Variants in RAPH1 observed in about 807,000 individuals in gnomAD.
RAPH1 encodes ras-associated and pleckstrin homology domains-containing protein 1.
Under a neutral mutation model 88.1 loss-of-function variants are expected in RAPH1, and 18 were observed. The observed-to-expected ratio is 0.20, with a 90% CI of 0.14 to 0.30. RAPH1 has a LOEUF of 0.30. Among genes scored for constraint, RAPH1 ranks in the 10% least tolerant of loss-of-function variants. RAPH1 has a pLI of 1.00. For missense variants in RAPH1, 1,448 were observed against 1,543.2 expected (o/e 0.94, Z 1.03); for synonymous variants, 587 against 559.0 (o/e 1.05, Z -0.71).
intron 1 of RAPH1, among the ~76,000 whole-genome samples, chr2:203,500,068 C>T (rs948728263): frequency 6.6e-6 from 1 of 152,170 alleles, no homozygotes; most frequent in African/African-American, 2.4e-5. Context: ...TTTCATTGAA[C>T]ATTCACCATG....
At chr2:203,450,375 C>T (rs1487497074) in intron 10 of RAPH1, among the ~76,000 whole-genome samples, 1 of 152,172 alleles carries the variant, frequency 6.6e-6, no homozygotes, top group Non-Finnish European at 1.5e-5. Context: ...AAGAGGTTAG[C>T]AAAATAATAC....
intron 4 of RAPH1, among the ~76,000 whole-genome samples, chr2:203,462,512 A>C (rs1363725197): frequency 6.6e-6 from 1 of 152,230 alleles, no homozygotes; most frequent in Non-Finnish European, 1.5e-5. Flanking sequence ...TTATTGCGTA[A>C]GTTTCACTCT....
At position 203,434,037 on chromosome 2, in the gene RAPH1, C is replaced by CATATATAT. The variant is rs1275348828; in HGVS notation, c.*5399_*5400insATATATAT. ...TCAGTAGTACTGAATATATCTCTCT[C>CATATATAT]ATATATCTATCTATCTATCTATATA... is the stretch of plus-strand genomic sequence containing the variant. On this transcript the variant is annotated 3_prime_UTR_variant, in exon 14 of 14. Transcript: ENST00000319170. The CATATATAT allele has an allele frequency of 5.3e-5, 7 of 131,390 alleles. No homozygotes were observed. The East Asian group carries it at 1.5e-3, about 28-fold the overall frequency. The allele number at this position is 131,390 out of a possible 1,614,324, so 8.1% of individuals were successfully genotyped here.
chr2:203,475,066 G>A (rs2098536210), intron 4 of RAPH1, among the ~76,000 whole-genome samples: 2 of 152,004 alleles, frequency 1.3e-5, no homozygotes, highest in South Asian at 2.1e-4. Flanking sequence ...AGCCGAGATG[G>A]CACCACTGTA....
At chr2:203,497,152 C>T (rs1024173515) in intron 1 of RAPH1, among the ~76,000 whole-genome samples, 3 of 152,178 alleles carry the variant, frequency 2.0e-5, no homozygotes. Context: ...CACTGGAGTA[C>T]TTTGTTCTTC....
intron 1 of RAPH1, among the ~76,000 whole-genome samples, chr2:203,530,320 TTA>T (rs1472746824): frequency 6.6e-6 from 1 of 152,192 alleles, no homozygotes; most frequent in African/African-American, 2.4e-5. Flanking sequence ...TTCAAATACA[TTA>T]TGTTAATTTA....
chr2:203,519,913 A>G (rs1193749760), intron 1 of RAPH1, among the ~76,000 whole-genome samples: 1 of 152,248 alleles, frequency 6.6e-6, no homozygotes, highest in Non-Finnish European at 1.5e-5. Context: ...TAGAGAAAGC[A>G]CTTTTAACCT....
intron 6 of RAPH1, among the ~76,000 whole-genome samples, chr2:203,460,368 T>A (rs1035124549): frequency 6.6e-6 from 1 of 152,202 alleles, no homozygotes; most frequent in Admixed American, 6.5e-5. Context: ...ATCAAGTATT[T>A]CCTATTTAGT....
chr2:203,470,892 GAATA>G (rs1320100103), intron 4 of RAPH1, among the ~76,000 whole-genome samples: 1 of 152,106 alleles, frequency 6.6e-6, no homozygotes, highest in Non-Finnish European at 1.5e-5. Context: ...ATTATTATCA[GAATA>G]AAAATAGGAG....
intron 1 of RAPH1, among the ~76,000 whole-genome samples, chr2:203,509,486 A>C (rs1337669638): frequency 1.3e-5 from 2 of 152,238 alleles, no homozygotes; most frequent in African/African-American, 4.8e-5. Context: ...GTAAATACAG[A>C]CTTCAAGATG....
intron 4 of RAPH1, among the ~76,000 whole-genome samples, chr2:203,471,154 G>GA (rs1361635810): frequency 1.3e-5 from 2 of 152,022 alleles, no homozygotes; most frequent in African/African-American, 4.8e-5. Context: ...GGCCTCTCAT[G>GA]AAAAAATTCC....
At chr2:203,452,842 G>A (rs2098515987) in intron 10 of RAPH1, among the ~76,000 whole-genome samples, 2 of 151,992 alleles carry the variant, frequency 1.3e-5, no homozygotes, top group Non-Finnish European at 2.9e-5. Flanking sequence ...CAGCTACTCG[G>A]GAAGCTAAGG....
rs143336952 is a variant in RAPH1, at chr2:203,520,135, C to A, written c.-1+14976G>T. Among the ~76,000 whole-genome samples, 428 of 151,748 alleles carry A rather than the reference C, an allele frequency of 2.8e-3. 1 individual carries two copies. The highest frequency in any genetic ancestry group is 9.6e-3 in the African/African-American group (396 of 41,368). On this transcript the variant is annotated intron_variant, in intron 1 of 13. Transcript: ENST00000319170. Reference sequence around the variant, plus strand: ...TTGAGCTCAAGAGTTCGAGACCAGCCTGAGAAACATGGTGGAAAACTATCT... The same window carrying A: ...TTGAGCTCAAGAGTTCGAGACCAGCATGAGAAACATGGTGGAAAACTATCT...
intron 4 of RAPH1, among the ~76,000 whole-genome samples, chr2:203,488,922 G>C (rs1315545356): frequency 6.6e-6 from 1 of 152,042 alleles, no homozygotes; most frequent in Non-Finnish European, 1.5e-5. Flanking sequence ...TCAGGAGTTC[G>C]AGACCAGCCT....
intron 1 of RAPH1, among the ~76,000 whole-genome samples, chr2:203,508,858 C>T (rs1043303463): frequency 5.3e-5 from 8 of 151,916 alleles, no homozygotes; most frequent in Non-Finnish European, 1.0e-4. Flanking sequence ...TAAATTAATA[C>T]GTTTAGTCTA....
chr2:203,478,871 A>G (rs867310558), intron 4 of RAPH1, among the ~76,000 whole-genome samples: 3 of 152,238 alleles, frequency 2.0e-5, no homozygotes, highest in African/African-American at 7.2e-5. Context: ...GAATATATGA[A>G]TAACTTTCTG....
intron 1 of RAPH1, among the ~76,000 whole-genome samples, chr2:203,509,930 T>C (rs1190910848): frequency 1.3e-5 from 2 of 152,064 alleles, no homozygotes; most frequent in East Asian, 1.9e-4. Flanking sequence ...TCTACCATGA[T>C]TGTATAAGCT....
chr2:203,527,852 C>T (rs141835345), intron 1 of RAPH1, among the ~76,000 whole-genome samples: 69 of 147,844 alleles, frequency 4.7e-4, no homozygotes, highest in African/African-American at 1.6e-3. Flanking sequence ...TATAATCCTT[C>T]ATGAAGCAGC....
At chr2:203,476,163 T>A (rs1019883471) in intron 4 of RAPH1, among the ~76,000 whole-genome samples, 2 of 152,038 alleles carry the variant, frequency 1.3e-5, no homozygotes, top group African/African-American at 4.8e-5. Flanking sequence ...ATAAATTTTG[T>A]TGTTTTTGTT....
Sources: allele counts gnomAD v4.1 joint callset (sites outside exome capture counted in the v4.1 genomes callset), GRCh38; gene constraint gnomAD v4.1.1; transcripts MANE v1.5; gene names NCBI Gene and HGNC (gene_info 2026-07-23, HGNC 2026-07-21).